Variants in RPS6KB1 observed in about 807,000 individuals in gnomAD.
The protein encoded by RPS6KB1 is ribosomal protein S6 kinase B1, also known as ribosomal protein S6 kinase beta-1.
A neutral mutation model predicts 70.2 loss-of-function variants in RPS6KB1; 12 were observed. The ratio of observed to expected loss-of-function variants is 0.17; its 90% CI spans 0.11 to 0.28. RPS6KB1 has a LOEUF of 0.28. Ranked by LOEUF, RPS6KB1 falls within the 10% of genes least tolerant of loss-of-function variation. The pLI is 1.00. For missense variants in RPS6KB1, 270 were observed against 646.6 expected (o/e 0.42, Z 6.32); for synonymous variants, 175 against 211.2 (o/e 0.83, Z 1.49).
intron 4 of RPS6KB1, among the ~76,000 whole-genome samples, chr17:59,917,496 G>A (rs2043026071): frequency 6.6e-6 from 1 of 152,020 alleles, no homozygotes; most frequent in Admixed American, 6.6e-5. Context: ...GGAGTGTGGT[G>A]GTGTGATCAT....
At chr17:59,922,405 C>T (rs777513574) in intron 4 of RPS6KB1, among the ~76,000 whole-genome samples, 1 of 151,302 alleles carries the variant, frequency 6.6e-6, no homozygotes, top group Non-Finnish European at 1.5e-5. Context: ...ATATTCTGTC[C>T]TATAATAATC....
intron 10 of RPS6KB1, among the ~76,000 whole-genome samples, chr17:59,935,635 C>T (rs955863651): frequency 1.5e-4 from 22 of 151,124 alleles, no homozygotes; most frequent in Non-Finnish European, 2.4e-4. Context: ...CCACCACGCC[C>T]GGCTAATTTT....
intron 1 of RPS6KB1, among the ~76,000 whole-genome samples, chr17:59,894,235 G>A (rs2041360938): frequency 6.6e-6 from 1 of 152,046 alleles, no homozygotes; most frequent in Admixed American, 6.6e-5. Context: ...CACCCTGCTG[G>A]CTTAGTGGTT....
chr17:59,936,188 T>C (rs749131300), intron 10 of RPS6KB1, 27 bp from the exon 11 acceptor site: 2 of 1,587,320 alleles, frequency 1.3e-6, no homozygotes, highest in East Asian at 4.5e-5. Context: ...TAAGGTTCTT[T>C]ATCCAAGCTT....
In RPS6KB1 at chr17:59,910,606, T is replaced by C; in HGVS notation, c.186T>C (p.Tyr62=). The change falls in exon 2 of 15, where the codon TAT becomes TAC. Residue 62 remains tyrosine, a synonymous_variant. Coordinates refer to ENST00000225577, the MANE Select transcript of RPS6KB1 (RefSeq NM_003161.4). The part of the protein sequence containing the change: ...ESMDHGGVGP[Y]ELGMEHCEKF... ...TGGACCATGGGGGAGTTGGACCATA[T>C]GAACTGTAAGTTTATATGAAGAGAT... 1 of 1,581,258 alleles carries C rather than the reference T, an allele frequency of 6.3e-7. No homozygotes were observed. Among genetic ancestry groups the C allele is most frequent in the Non-Finnish European group, 8.6e-7 (1 of 1,157,854 alleles).
rs2043716883 is a variant in RPS6KB1 at position 59,928,021 on chromosome 17, G to A, written c.529+1439G>A. 2.0e-5 allele frequency among the ~76,000 whole-genome samples: 3 copies of A among 151,612 alleles called. No individual in the cohort carries two copies. The South Asian group carries it at 6.3e-4, about 32-fold the overall frequency. ...AAAAATAGAAAAATTAGCTGGGTAT[G>A]GTGGTGTGCTCCTGTAATCCCAGCT... On this transcript the variant is annotated intron_variant, in intron 5 of 14. Coordinates refer to ENST00000225577, the MANE Select transcript of RPS6KB1 (RefSeq NM_003161.4).
At chr17:59,943,312 A>G (rs1168794036) in intron 13 of RPS6KB1, among the ~76,000 whole-genome samples, 2 of 152,126 alleles carry the variant, frequency 1.3e-5, no homozygotes, top group Non-Finnish European at 2.9e-5. Context: ...TGGAATTTAT[A>G]CCTTTGATTT....
chr17:59,936,507 C>T lies in RPS6KB1; in HGVS notation c.1085C>T (p.Ala362Val). Reference protein sequence around the residue: ...FRHINWEELLARKVEPPFKPL... With the variant: ...FRHINWEELLVRKVEPPFKPL... The stretch of plus-strand genomic sequence containing the variant: ...CACATTAACTGGGAAGAACTTCTGG[C>T]TCGAAAGGTGGAGCCCCCCTTTAAA... The change falls in exon 12 of 15, where the codon GCT becomes GTT. Residue 362 changes from alanine (A) to valine (V), a missense_variant. Ala to Val is a moderately conservative substitution (Grantham distance 64, BLOSUM62 0). This residue lies in a region of RPS6KB1 where 133 missense variants were observed against 314.7 expected (regional missense o/e 0.42). Transcript: ENST00000225577. The T allele has an allele frequency of 6.2e-7, 1 of 1,613,770 alleles. No homozygotes were observed. The highest frequency in any genetic ancestry group is 8.5e-7 in the Non-Finnish European group (1 of 1,179,764).
intron 1 of RPS6KB1, among the ~76,000 whole-genome samples, chr17:59,910,118 C>T (rs181353282): frequency 2.1e-5 from 3 of 145,048 alleles, no homozygotes; most frequent in Non-Finnish European, 3.0e-5. Context: ...ACCTGGGAGG[C>T]GGAGGTTGCA....
At chr17:59,898,353 A>G (rs892575382) in intron 1 of RPS6KB1, among the ~76,000 whole-genome samples, 1 of 152,188 alleles carries the variant, frequency 6.6e-6, no homozygotes, top group African/African-American at 2.4e-5. Flanking sequence ...CTATATAGAT[A>G]GTATATACTC....
chr17:59,915,478 T>G (rs1187245976), intron 4 of RPS6KB1, among the ~76,000 whole-genome samples: 1 of 151,966 alleles, frequency 6.6e-6, no homozygotes, highest in East Asian at 1.9e-4. Context: ...CCATCTCTTT[T>G]TTTTTGAGAT....
intron 1 of RPS6KB1, chr17:59,907,362 C>A (rs944710509): frequency 6.6e-6 from 1 of 152,012 alleles, no homozygotes; most frequent in African/African-American, 2.4e-5. Flanking sequence ...AAGAAAGGAA[C>A]CTGGGGTTTT....
intron 4 of RPS6KB1, 74 bp from the exon 5 acceptor site, chr17:59,926,361 A>G: frequency 8.7e-7 from 1 of 1,153,182 alleles, no homozygotes; most frequent in Non-Finnish European, 1.2e-6. Context: ...CACAAAATAG[A>G]TTTTAGAATA....
intron 4 of RPS6KB1, among the ~76,000 whole-genome samples, chr17:59,924,975 C>T (rs1488481461): frequency 6.6e-6 from 1 of 151,904 alleles, no homozygotes; most frequent in Non-Finnish European, 1.5e-5. Flanking sequence ...ACTACAGGCA[C>T]CTGCCACCAT....
rs200082283 is a variant in RPS6KB1 at position 59,944,023 on chromosome 17, A to AC, written c.1228-1379dup. On this transcript the variant is annotated intron_variant, in intron 13 of 14. Transcript: ENST00000225577. The stretch of plus-strand genomic sequence containing the variant: ...CAAATATTTTAATTCCTGTTGTAAG[A>AC]CCCCATCACAGAATTAGAGGAAATT... Among the ~76,000 whole-genome samples the AC allele has an allele frequency of 4.3e-3, 648 of 152,054 alleles. 2 individuals are homozygous for AC. The highest frequency in any genetic ancestry group is 0.015 in the African/African-American group (618 of 41,442).
At chr17:59,942,996 T>G (rs1176160910) in intron 13 of RPS6KB1, among the ~76,000 whole-genome samples, 1 of 151,514 alleles carries the variant, frequency 6.6e-6, no homozygotes, top group Non-Finnish European at 1.5e-5. Flanking sequence ...AAAAAAAAAA[T>G]TAATTAAAAA....
chr17:59,901,600 G>A (rs1205366762), intron 1 of RPS6KB1, among the ~76,000 whole-genome samples: 1 of 146,196 alleles, frequency 6.8e-6, no homozygotes, highest in Non-Finnish European at 1.5e-5. Context: ...AATCAGCCTG[G>A]GCAGCATAAC....
intron 2 of RPS6KB1, 183 bp from the exon 3 acceptor site, chr17:59,912,501 T>A (rs559782394): frequency 3.8e-5 from 20 of 523,038 alleles, no homozygotes; most frequent in African/African-American, 5.7e-5. Context: ...AGGCAAACGA[T>A]TATCAGGCCA....
At chr17:59,935,432 C>T (rs777676143) in intron 10 of RPS6KB1, 132 bp downstream of exon 10, 5 of 525,468 alleles carry the variant, frequency 9.5e-6, no homozygotes, top group Admixed American at 3.7e-5. Context: ...TTTTTGAAGG[C>T]GAAGTACAGA....
Sources: gnomAD v4.1 joint callset for allele counts (sites outside exome capture counted in the v4.1 genomes callset) on GRCh38, gnomAD v4.1.1 for gene constraint, gnomAD v4.1.1 regional missense constraint, MANE v1.5 for transcripts, NCBI Gene and HGNC (gene_info 2026-07-23, HGNC 2026-07-21) for gene names.